PHF7: variants seen among roughly 807,000 people sequenced by gnomAD.
PHF7 encodes E3 ubiquitin-protein ligase PHF7.
In PHF7, 24 loss-of-function variants were observed where a neutral mutation model predicts 47.5. The observed-to-expected ratio is 0.51, with a 90% CI of 0.37 to 0.71. PHF7 has a LOEUF of 0.71. Ranked by LOEUF, PHF7 falls within the 30% of genes least tolerant of loss-of-function variation. The probability of loss-of-function intolerance (pLI) is 0.00; values close to 1 mark genes in which losing one functional copy is unlikely to be tolerated. For synonymous variants in PHF7, 156 were observed against 153.8 expected (o/e 1.01, Z -0.11); for missense variants, 361 against 456.8 (o/e 0.79, Z 1.91).
intron 7 of PHF7, 129 bp from the exon 8 acceptor site, chr3:52,421,519 C>T: frequency 1.5e-6 from 1 of 673,380 alleles, no homozygotes; most frequent in Non-Finnish European, 2.7e-6. Context: ...CCTAGCCCAC[C>T]CAAACTCCTT....
At chr3:52,419,727 G>A (rs1578244589) in intron 4 of PHF7, 106 bp from the exon 5 acceptor site, 2 of 756,536 alleles carry the variant, frequency 2.6e-6, no homozygotes, top group Non-Finnish European at 2.3e-6. Context: ...CACCACACCC[G>A]GCCCAAGCTC....
intron 4 of PHF7, among the ~76,000 whole-genome samples, 156 bp from the exon 5 acceptor site, chr3:52,419,677 C>T (rs554847355): frequency 1.3e-3 from 191 of 152,128 alleles, no homozygotes; most frequent in Non-Finnish European, 2.2e-3. Flanking sequence ...GTGATCCGCC[C>T]GCCTCGGCCT....
At position 52,415,382 on chromosome 3, in the gene PHF7, G is replaced by A. The variant is rs191494856; in HGVS notation, c.186+795G>A. Among the ~76,000 whole-genome samples, 325 of 152,216 alleles carry A rather than the reference G, an allele frequency of 2.1e-3. 1 individual carries two copies. The highest frequency in any genetic ancestry group is 3.6e-3 in the Non-Finnish European group (247 of 68,006). On this transcript the variant is annotated intron_variant, in intron 4 of 10. Transcript: ENST00000327906. ...TGGCTAATTTTGTATTTTTAGTAGAGACAGGTTTCACCGTGTTAGCCAGGC... is the reference window on the plus strand; with the variant it reads ...TGGCTAATTTTGTATTTTTAGTAGAAACAGGTTTCACCGTGTTAGCCAGGC...
chr3:52,413,474 A>T (rs934067478), intron 2 of PHF7, among the ~76,000 whole-genome samples: 1 of 152,184 alleles, frequency 6.6e-6, no homozygotes, highest in Non-Finnish European at 1.5e-5. Context: ...CACTGGGGAG[A>T]GAAAGATGCT....
At position 52,415,479 on chromosome 3, in the gene PHF7, A is replaced by G. The variant is rs563777357; in HGVS notation, c.186+892A>G. On this transcript the variant is annotated intron_variant, in intron 4 of 10. Coordinates refer to ENST00000327906, the MANE Select transcript of PHF7 (RefSeq NM_016483.7). ...TTTTGATAAATGTATGTCCCCAAAT[A>G]ACCACCACCCCAATCAAAATAGGTA... Among the ~76,000 whole-genome samples the G allele has an allele frequency of 2.0e-5, 3 of 152,308 alleles. No homozygotes were observed. The East Asian group carries it at 5.8e-4, about 29-fold the overall frequency.
At chr3:52,421,093 A>G (rs1313788358) in intron 7 of PHF7, 31 bp downstream of exon 7, 1 of 1,569,338 alleles carries the variant, frequency 6.4e-7, no homozygotes, top group South Asian at 1.2e-5. Flanking sequence ...GGTCCCTTCC[A>G]CCATTGCCCT....
At chr3:52,422,444 T>G in intron 9 of PHF7, 106 bp downstream of exon 9, 1 of 807,460 alleles carries the variant, frequency 1.2e-6, no homozygotes, top group African/African-American at 1.7e-5. Context: ...ATGCAGACCT[T>G]AGGATAAACA....
At position 52,419,745 on chromosome 3, in the gene PHF7, T is replaced by C. The variant is rs1705729947; in HGVS notation, c.187-88T>C. On this transcript the variant is annotated intron_variant, in intron 4 of 10. Transcript: ENST00000327906. ...CACACCCGGCCCAAGCTCTATTCTT[T>C]AGCTCTCTTACCCTGTCCTTCTCCT... is the stretch of plus-strand genomic sequence containing the variant. 5.0e-6 allele frequency: 4 copies of C among 807,094 alleles called. No individual in the cohort carries two copies. In the South Asian group the frequency reaches 5.8e-5, roughly 12 times the overall value. 50.0% of individuals were successfully genotyped at this position (807,094 alleles called of 1,614,324 possible). A position where few individuals can be genotyped will look rare whatever the true frequency, so the allele number is the denominator to read the frequency against.
rs925475447 is a variant in PHF7, at chr3:52,420,508, C to A, written c.413+73C>A. Reference sequence around the variant, plus strand: ...TTCAGCCACTAATGAAATCAGAGTCCAGTTCTCACAAGCAGGCCTGTTTTG... The same window carrying A: ...TTCAGCCACTAATGAAATCAGAGTCAAGTTCTCACAAGCAGGCCTGTTTTG... On this transcript the variant is annotated intron_variant, in intron 6 of 10. Coordinates refer to ENST00000327906, the MANE Select transcript of PHF7 (RefSeq NM_016483.7). 2.1e-6 allele frequency: 3 copies of A among 1,448,860 alleles called. No individual in the cohort carries two copies. The African/African-American group carries it at 4.2e-5, about 20-fold the overall frequency. The allele number at this position is 1,448,860 out of a possible 1,614,324, so 89.8% of individuals were successfully genotyped here.
chr3:52,412,424 G>C (rs1182514950), intron 1 of PHF7, among the ~76,000 whole-genome samples: 1 of 152,106 alleles, frequency 6.6e-6, no homozygotes, highest in African/African-American at 2.4e-5. Context: ...TTTTTTGTAG[G>C]CACAAAGAAA....
intron 4 of PHF7, among the ~76,000 whole-genome samples, chr3:52,415,335 T>TA (rs1284509742): frequency 2.0e-5 from 3 of 152,176 alleles, no homozygotes; most frequent in Admixed American, 6.5e-5. Flanking sequence ...TAGCTGGGAT[T>TA]ACAGACACCT....
intron 1 of PHF7, among the ~76,000 whole-genome samples, chr3:52,411,822 A>G (rs922809605): frequency 2.0e-5 from 3 of 152,258 alleles, no homozygotes; most frequent in African/African-American, 4.8e-5. Context: ...ATAGGAGACA[A>G]GGTACCTTCT....
At chr3:52,413,772 T>C (rs768401213) in intron 2 of PHF7, among the ~76,000 whole-genome samples, 5 of 152,070 alleles carry the variant, frequency 3.3e-5, no homozygotes, top group Non-Finnish European at 7.4e-5. Flanking sequence ...GAGGCAGAGG[T>C]TGCAGTAAGC....
intron 4 of PHF7, among the ~76,000 whole-genome samples, chr3:52,419,189 A>G (rs1705709484): frequency 6.6e-6 from 1 of 152,184 alleles, no homozygotes; most frequent in Non-Finnish European, 1.5e-5. Context: ...TCAGTAAGTG[A>G]GAGGCAGCCT....
rs1423994675 is a variant in PHF7, at chr3:52,410,882, G to A, written c.-435G>A. On this transcript the variant is annotated 5_prime_UTR_variant, in exon 1 of 11. An upstream open reading frame in the 5' UTR gains an earlier in-frame stop. Coordinates refer to ENST00000327906, the MANE Select transcript of PHF7 (RefSeq NM_016483.7). The stretch of plus-strand genomic sequence containing the variant: ...GGCAGGCGCGACATGAGCCTGGTCT[G>A]GCATCCGCGGGATGCTCCTTAAGCC... The A allele has an allele frequency of 6.6e-6, 1 of 152,314 alleles. No homozygotes were observed. The highest frequency in any genetic ancestry group is 1.5e-5 in the Non-Finnish European group (1 of 68,070). The allele number at this position is 152,314 out of a possible 1,614,324, so 9.4% of individuals were successfully genotyped here.
Position 52,423,012 on chromosome 3 carries a change from T to C in PHF7, c.920-79T>C, listed in dbSNP as rs1223183231. ...GGTGCCTTTGACTTTGGAAGGAAAG[T>C]AGCTAGAGAGGAGCTTAAGGACCTG... On this transcript the variant is annotated intron_variant, in intron 10 of 10. Coordinates refer to ENST00000327906, the MANE Select transcript of PHF7 (RefSeq NM_016483.7). 4 of 1,496,504 alleles carry C rather than the reference T, an allele frequency of 2.7e-6. No homozygotes were observed. The Admixed American group carries it at 5.2e-5, about 19-fold the overall frequency. The allele number at this position is 1,496,504 out of a possible 1,614,324, so 92.7% of individuals were successfully genotyped here.
At chr3:52,422,142 C>G (rs147159843) in intron 8 of PHF7, 80 bp from the exon 9 acceptor site, 13 of 950,434 alleles carry the variant, frequency 1.4e-5, no homozygotes, top group Non-Finnish European at 2.1e-5. Flanking sequence ...TTAGCTTGGG[C>G]TCTTCCTAAC....
At chr3:52,422,164 G>A (rs1248748737) in intron 8 of PHF7, 58 bp from the exon 9 acceptor site, 27 of 1,188,768 alleles carry the variant, frequency 2.3e-5, no homozygotes, top group Non-Finnish European at 3.0e-5. Context: ...CCTCCCTGAT[G>A]GACAAAAGTT....
chr3:52,418,343 T>A (rs1189661627), intron 4 of PHF7, among the ~76,000 whole-genome samples: 2 of 152,238 alleles, frequency 1.3e-5, no homozygotes, highest in Non-Finnish European at 2.9e-5. Context: ...TTGGCTTTTT[T>A]CCATCATATA....
Sources: gnomAD v4.1 joint callset for allele counts (sites outside exome capture counted in the v4.1 genomes callset) on GRCh38, gnomAD v4.1.1 for gene constraint, MANE v1.5 for transcripts, NCBI Gene and HGNC (gene_info 2026-07-23, HGNC 2026-07-21) for gene names.